ABR: variants seen among roughly 807,000 people sequenced by gnomAD.
ABR encodes the protein ABR activator of RhoGEF and GTPase.
Under a neutral mutation model 107.2 loss-of-function variants are expected in ABR, and 35 were observed. The ratio of observed to expected loss-of-function variants is 0.33; its 90% CI spans 0.25 to 0.43. The LOEUF (loss-of-function observed/expected upper bound fraction) is 0.43, where lower values mean the gene tolerates loss of function less well. ABR is among the 20% of genes least tolerant of loss of function. ABR has a pLI of 1.00. For synonymous variants in ABR, 498 were observed against 462.0 expected (o/e 1.08, Z -1.00); for missense variants, 815 against 1,115.2 (o/e 0.73, Z 3.83).
At chr17:1,155,802 A>AGT (rs2041015592) in intron 1 of ABR, among the ~76,000 whole-genome samples, 2 of 152,154 alleles carry the variant, frequency 1.3e-5, no homozygotes, top group South Asian at 4.2e-4. Flanking sequence ...TGTCTCTACT[A>AGT]AAACTACAAA....
upstream of ABR, among the ~76,000 whole-genome samples, chr17:1,190,103 G>C (rs1361184745): frequency 1.3e-5 from 2 of 152,194 alleles, no homozygotes; most frequent in Non-Finnish European, 2.9e-5. Flanking sequence ...ATTTGGGGTG[G>C]GAGAATTGCT....
chr17:1,171,706 C>T (rs978752870), intron 1 of ABR, among the ~76,000 whole-genome samples: 26 of 151,920 alleles, frequency 1.7e-4, no homozygotes, highest in Admixed American at 3.3e-4. Context: ...CCGAGGTGGG[C>T]GGATCACCTG....
At chr17:1,089,156 A>G (rs1463512506) in intron 4 of ABR, among the ~76,000 whole-genome samples, 3 of 151,900 alleles carry the variant, frequency 2.0e-5, no homozygotes, top group East Asian at 1.9e-4. Flanking sequence ...CCGGCCTCCC[A>G]AAGTGCTGGG....
At chr17:1,155,701 C>T (rs182573291) in intron 1 of ABR, among the ~76,000 whole-genome samples, 1 of 152,140 alleles carries the variant, frequency 6.6e-6, no homozygotes, top group South Asian at 2.1e-4. Flanking sequence ...CGCAGTGGCT[C>T]ACACCTGCAA....
In ABR at chr17:1,013,176, G is replaced by A. The variant is rs1281182959; in HGVS notation, c.1792-12C>T. 6.2e-7 allele frequency: 1 copy of A among 1,613,830 alleles called. No individual in the cohort carries two copies. Among genetic ancestry groups the A allele is most frequent in the Non-Finnish European group, 8.5e-7 (1 of 1,179,794 alleles). On this transcript the variant is annotated splice_polypyrimidine_tract_variant and intron_variant, in intron 16 of 22. Transcript: ENST00000302538. ...GTTTGTGGGTCCAGCTGCAGAGAGAGAATGTGGGTGAGAGAGGTGCCAGCT... is the reference window on the plus strand; with the variant it reads ...GTTTGTGGGTCCAGCTGCAGAGAGAAAATGTGGGTGAGAGAGGTGCCAGCT...
rs180812212 is a variant in ABR, at chr17:1,051,057, G to A, written c.1562-423C>T. Reference sequence around the variant, plus strand: ...GACCGCCCTGGAGCCACCTCTCCCCGTAACATGGGTGCCCAGGCCTCAACA... The same window carrying A: ...GACCGCCCTGGAGCCACCTCTCCCCATAACATGGGTGCCCAGGCCTCAACA... On this transcript the variant is annotated intron_variant, in intron 14 of 22. Coordinates refer to ENST00000302538, the MANE Select transcript of ABR (RefSeq NM_021962.5). The surrounding 1 kb of genome is among the most constrained non-coding windows in gnomAD (Gnocchi z 4.3). Among the ~76,000 whole-genome samples the A allele has an allele frequency of 3.9e-4, 60 of 152,180 alleles. No individual in the cohort carries two copies. The highest frequency in any genetic ancestry group is 1.1e-3 in the African/African-American group (46 of 41,522).
chr17:1,023,123 C>CCACTGCCGGCCCCACGTCCACTCCAGA (rs1209129136), intron 16 of ABR, among the ~76,000 whole-genome samples: 1 of 91,602 alleles, frequency 1.1e-5, no homozygotes, highest in African/African-American at 4.8e-5. Context: ...TCCACTACAG[C>CCACTGCCGGCCCCACGTCCACTCCAGA]GCCTCTGCCG....
chr17:1,226,170 T>G (rs1017873166), intron 1 of ABR, among the ~76,000 whole-genome samples: 1 of 152,088 alleles, frequency 6.6e-6, no homozygotes. Flanking sequence ...GGGAATGCTG[T>G]AGAGAAAAAT....
chr17:1,171,335 C>T (rs553003719), intron 1 of ABR, among the ~76,000 whole-genome samples: 95 of 152,298 alleles, frequency 6.2e-4, no homozygotes, highest in African/African-American at 2.2e-3. Flanking sequence ...TTCAATCCCA[C>T]GAAGGTAATG....
intron 10 of ABR, among the ~76,000 whole-genome samples, chr17:1,064,606 T>G (rs56393834): frequency 6.2e-5 from 2 of 32,458 alleles, no homozygotes; most frequent in East Asian, 9.4e-4. Flanking sequence ...GAGGGCTATG[T>G]ATGTTCCTCT....
chr17:1,040,235 G>T lies in ABR; in HGVS notation c.1791+9815C>A, dbSNP rs764812068. 7.9e-5 allele frequency among the ~76,000 whole-genome samples: 12 copies of T among 152,294 alleles called. No individual in the cohort carries two copies. In the East Asian group the frequency reaches 2.3e-3, roughly 29 times the overall value. Reference sequence around the variant, plus strand: ...GGACCCTCAGGCAGGGTCGAATGGGGACAAGACACCCCTTGGGGGTCAGAG... The same window carrying T: ...GGACCCTCAGGCAGGGTCGAATGGGTACAAGACACCCCTTGGGGGTCAGAG... On this transcript the variant is annotated intron_variant, in intron 16 of 22. Coordinates refer to ENST00000302538, the MANE Select transcript of ABR (RefSeq NM_021962.5).
intron 12 of ABR, 149 bp downstream of exon 12, chr17:1,057,821 C>A (rs1217941581): frequency 1.5e-6 from 1 of 666,134 alleles, no homozygotes; most frequent in Non-Finnish European, 2.7e-6. Flanking sequence ...CTCAATTAAT[C>A]CGTAACATCC....
intron 1 of ABR, among the ~76,000 whole-genome samples, chr17:1,173,651 C>A (rs1032084762): frequency 6.6e-6 from 1 of 152,146 alleles, no homozygotes; most frequent in South Asian, 2.1e-4. Flanking sequence ...TTTCAGCTAA[C>A]AGGGGTTTCT....
At chr17:1,198,407 G>A (rs988666220) in intron 1 of ABR, among the ~76,000 whole-genome samples, 5 of 151,614 alleles carry the variant, frequency 3.3e-5, no homozygotes, top group African/African-American at 7.3e-5. Flanking sequence ...ACCAACAGAC[G>A]GCAACTTCCC....
rs191621494 is a variant in ABR at position 1,161,889 on chromosome 17, C to A, written c.61+17778G>T. On this transcript the variant is annotated intron_variant, in intron 1 of 22. Transcript: ENST00000302538. ...TCCTTTTACAGCCGGGCCGAAGGCA[C>A]CTGTTAGGTCCTCTCCCACCCGCTA... 4.6e-3 allele frequency among the ~76,000 whole-genome samples: 701 copies of A among 152,166 alleles called. 2 individuals are homozygous for A. Among genetic ancestry groups the A allele is most frequent in the Middle Eastern group, 0.024 (7 of 294 alleles).
chr17:1,018,312 G>C (rs1381921657), intron 16 of ABR, among the ~76,000 whole-genome samples: 1 of 152,212 alleles, frequency 6.6e-6, no homozygotes, highest in Non-Finnish European at 1.5e-5. Context: ...AAAGTGCTGG[G>C]ATTACGGGCG....
intron 6 of ABR, 145 bp downstream of exon 6, chr17:1,079,185 A>G (rs2036000164): frequency 4.7e-6 from 7 of 1,475,638 alleles, no homozygotes; most frequent in Non-Finnish European, 4.5e-6. Flanking sequence ...CTCAGCTCAC[A>G]CTCACACGCG....
chr17:1,050,481 A>G lies in ABR; in HGVS notation c.1659+56T>C. The G allele has an allele frequency of 6.7e-7, 1 of 1,501,120 alleles. No homozygotes were observed. Among genetic ancestry groups the G allele is most frequent in the Non-Finnish European group, 9.3e-7 (1 of 1,077,620 alleles). 93.0% of individuals were successfully genotyped at this position (1,501,120 alleles called of 1,614,324 possible). ...ATGGGCTGGCCGTCCCCAGCAGACA[A>G]GCCACGAGCACGGGGTGGTGGGGTC... On this transcript the variant is annotated intron_variant, in intron 15 of 22. Transcript: ENST00000302538. This position sits in a 1 kb window ranked among gnomAD's most constrained non-coding sequence, Gnocchi z 4.6.
Position 1,005,378 on chromosome 17 carries a change from G to T in ABR, c.*702C>A. 2.6e-6 allele frequency: 1 copy of T among 385,176 alleles called. No individual in the cohort carries two copies. The highest frequency in any genetic ancestry group is 4.6e-6 in the Non-Finnish European group (1 of 218,014). The allele number at this position is 385,176 out of a possible 1,614,324, so 23.9% of individuals were successfully genotyped here. A position where few individuals can be genotyped will look rare whatever the true frequency, so the allele number is the denominator to read the frequency against. On this transcript the variant is annotated 3_prime_UTR_variant, in exon 23 of 23. Transcript: ENST00000302538. ...CGCTCCAGCTCTGTGCTAAGCTGGG[G>T]ACGAGTGTGAGTGTGTCTGCTTGTC... is the stretch of plus-strand genomic sequence containing the variant.
Sources: allele counts gnomAD v4.1 joint callset (sites outside exome capture counted in the v4.1 genomes callset), GRCh38; gene constraint gnomAD v4.1.1; non-coding constraint Gnocchi (gnomAD v3.1); transcripts MANE v1.5; gene names NCBI Gene and HGNC (gene_info 2026-07-23, HGNC 2026-07-21).